THOC5: variants seen among roughly 807,000 people sequenced by gnomAD.
The protein encoded by THOC5 is Fms-interacting protein.
In THOC5, 43 loss-of-function variants were observed where a neutral mutation model predicts 92.9. The ratio of observed to expected loss-of-function variants is 0.46; its 90% CI spans 0.36 to 0.60. The LOEUF is 0.60. Among genes scored for constraint, THOC5 ranks in the 20% least tolerant of loss-of-function variants. The pLI is 0.00. For synonymous variants in THOC5, 296 were observed against 320.1 expected, an observed-to-expected ratio of 0.92 and a Z score of 0.80; for missense variants, 659 against 849.4, an observed-to-expected ratio of 0.78 and a Z score of 2.79.
intron 11 of THOC5, among the ~76,000 whole-genome samples, 190 bp from the exon 12 acceptor site, chr22:29,526,136 C>T (rs1434869323): frequency 3.3e-5 from 5 of 152,104 alleles, no homozygotes; most frequent in East Asian, 3.9e-4. Context: ...TGTAACAAAT[C>T]GGCACATGTA....
Position 29,544,510 on chromosome 22 carries a change from T to A in THOC5, c.190A>T (p.Arg64Trp). ...AGGTCTTGGATCTCAGCCATCAGCC[T>A]CTGTAGCTCCTGGCAGGTGTACTTG... Reference protein sequence around the residue: ...LYKYTCQELQRLMAEIQDLKS... With the variant: ...LYKYTCQELQWLMAEIQDLKS... The change falls in exon 3 of 20, where the codon AGG (arginine) becomes TGG (tryptophan). Residue 64 changes from arginine to tryptophan, a missense_variant. Arg to Trp is a moderately radical substitution (Grantham distance 101, BLOSUM62 -3). Coordinates refer to ENST00000490103, the MANE Select transcript of THOC5 (RefSeq NM_003678.5). 1 of 1,614,082 alleles carries A rather than the reference T, an allele frequency of 6.2e-7. No individual in the cohort carries two copies. The highest frequency in any genetic ancestry group is 8.5e-7 in the Non-Finnish European group (1 of 1,179,996).
Position 29,512,062 on chromosome 22 carries a change from A to C in THOC5, c.1756T>G (p.Trp586Gly). The C allele has an allele frequency of 6.2e-7, 1 of 1,614,008 alleles. No individual in the cohort carries two copies. Among genetic ancestry groups the C allele is most frequent in the South Asian group, 1.1e-5 (1 of 91,074 alleles). ...IPPVFQLCLN[W>G]KGEKTNSNDD... ...TTGCTGTTGGTTTTCTCCCCTTTCCAGTTCAAACAGAGCTGGAAAACAGGT... is the reference window on the plus strand; with the variant it reads ...TTGCTGTTGGTTTTCTCCCCTTTCCCGTTCAAACAGAGCTGGAAAACAGGT... Residue 586 changes from tryptophan to glycine, a missense_variant, in exon 18 of 20, where the codon TGG becomes GGG. Trp to Gly is a radical substitution (Grantham distance 184). Transcript: ENST00000490103.
chr22:29,548,587 A>G (rs2064076256), intron 2 of THOC5, among the ~76,000 whole-genome samples: 1 of 152,096 alleles, frequency 6.6e-6, no homozygotes, highest in Non-Finnish European at 1.5e-5. Context: ...CTAAGTCACA[A>G]ATGAAGTTGA....
chr22:29,524,695 T>A (rs973232647), intron 12 of THOC5, among the ~76,000 whole-genome samples: 1 of 152,020 alleles, frequency 6.6e-6, no homozygotes, highest in Admixed American at 6.6e-5. Flanking sequence ...CCCCTGGGGG[T>A]GTCCAACAAC....
chr22:29,522,704 A>T (rs1461744092), intron 12 of THOC5, among the ~76,000 whole-genome samples: 1 of 152,168 alleles, frequency 6.6e-6, no homozygotes, highest in African/African-American at 2.4e-5. Context: ...AAAGTAAGGG[A>T]TTAAAAAAAC....
chr22:29,508,436 A>C lies in THOC5; in HGVS notation c.*21T>G. The C allele has an allele frequency of 6.2e-7, 1 of 1,613,912 alleles. No homozygotes were observed. Among genetic ancestry groups the C allele is most frequent in the Non-Finnish European group, 8.5e-7 (1 of 1,179,770 alleles). ...GTGCTCAGGGTGAGGCCTTGGGGGA[A>C]ACAACGGTCTGCGCGGGAGATCAGC... is the stretch of plus-strand genomic sequence containing the variant. On this transcript the variant is annotated 3_prime_UTR_variant, in exon 20 of 20. Coordinates refer to ENST00000490103, the MANE Select transcript of THOC5 (RefSeq NM_003678.5).
chr22:29,539,077 T>C (rs1245200318), intron 6 of THOC5, among the ~76,000 whole-genome samples: 3 of 120,720 alleles, frequency 2.5e-5, no homozygotes, highest in African/African-American at 3.3e-5. Flanking sequence ...ACCACCGCAC[T>C]CCAGCCTGGG....
At chr22:29,539,003 G>A (rs533598274) in intron 6 of THOC5, among the ~76,000 whole-genome samples, 2 of 150,544 alleles carry the variant, frequency 1.3e-5, no homozygotes, top group Admixed American at 6.6e-5. Flanking sequence ...CCAGCTACTC[G>A]GGAGGCTGAG....
intron 19 of THOC5, 60 bp downstream of exon 19, chr22:29,511,046 G>A: frequency 1.3e-6 from 2 of 1,551,194 alleles, no homozygotes; most frequent in Non-Finnish European, 1.8e-6. Flanking sequence ...AGAAAATCTG[G>A]CTCTGATCTC....
At chr22:29,545,399 G>A (rs1478365306) in intron 2 of THOC5, among the ~76,000 whole-genome samples, 3 of 151,950 alleles carry the variant, frequency 2.0e-5, no homozygotes, top group African/African-American at 4.8e-5. Flanking sequence ...CCCAACAGTC[G>A]CCCAAAGTCT....
At chr22:29,539,715 G>A (rs9613942) in intron 5 of THOC5, among the ~76,000 whole-genome samples, 38,414 of 151,996 alleles carry the variant, frequency 0.25, 4,913 homozygotes, top group East Asian at 0.32. Flanking sequence ...TTAAAGACTC[G>A]GAAGGGATTC....
rs746460570 is a variant in THOC5, at chr22:29,544,457, T to C, written c.240+3A>G. The stretch of plus-strand genomic sequence containing the variant: ...TTCACGGCCACCTGGTCCCACTCCT[T>C]ACCACATCCTTGCCACCCCTGCTCT... On this transcript the variant is annotated splice_donor_region_variant and intron_variant, in intron 3 of 19. Transcript: ENST00000490103. 1.2e-6 allele frequency: 2 copies of C among 1,612,536 alleles called. No homozygotes were observed. The highest frequency in any genetic ancestry group is 2.7e-5 in the African/African-American group (2 of 74,862).
At chr22:29,517,171 C>T (rs766984196) in intron 16 of THOC5, 55 bp from the exon 17 acceptor site, 20 of 1,609,746 alleles carry the variant, frequency 1.2e-5, no homozygotes, top group Non-Finnish European at 1.5e-5. Context: ...GGTTAAACCC[C>T]CTGCTCTTCC....
chr22:29,524,269 A>C (rs1440370758), intron 12 of THOC5, among the ~76,000 whole-genome samples: 6 of 152,178 alleles, frequency 3.9e-5, no homozygotes, highest in Non-Finnish European at 8.8e-5. Context: ...CAGTTAACTC[A>C]CCTCATAGAG....
chr22:29,531,779 C>G, intron 8 of THOC5, 52 bp downstream of exon 8: 1 of 1,582,836 alleles, frequency 6.3e-7, no homozygotes. Context: ...ATTCACTCGG[C>G]CACAGCTGCT....
intron 1 of THOC5, among the ~76,000 whole-genome samples, chr22:29,551,487 C>A (rs2064142802): frequency 6.6e-6 from 1 of 152,064 alleles, no homozygotes; most frequent in Non-Finnish European, 1.5e-5. Context: ...CACCTGTAAT[C>A]CCAACACTTT....
intron 15 of THOC5, among the ~76,000 whole-genome samples, chr22:29,517,721 T>C (rs907822759): frequency 2.0e-5 from 3 of 152,240 alleles, no homozygotes; most frequent in Admixed American, 6.5e-5. Flanking sequence ...TGTGTTTTCA[T>C]AGCTGACCTT....
chr22:29,531,538 G>A (rs1035110425), intron 8 of THOC5: 2 of 1,140,348 alleles, frequency 1.8e-6, no homozygotes, highest in Non-Finnish European at 1.1e-6. Context: ...TTGATGGGGT[G>A]AGCACCTGGG....
rs141688044 is a variant in THOC5 at position 29,512,379 on chromosome 22, G to A, written c.1682-243C>T. ...CATATTTACTGTGCCACAAAGCTGC[G>A]GACTCCCCAGAGTCTGGTCCACCTT... On this transcript the variant is annotated intron_variant, in intron 17 of 19. Transcript: ENST00000490103. Among the ~76,000 whole-genome samples the A allele has an allele frequency of 2.9e-3, 438 of 152,196 alleles. 4 individuals carry two copies. Among genetic ancestry groups the A allele is most frequent in the African/African-American group, 9.3e-3 (386 of 41,508 alleles).
Sources: allele counts gnomAD v4.1 joint callset (sites outside exome capture counted in the v4.1 genomes callset), GRCh38; gene constraint gnomAD v4.1.1; transcripts MANE v1.5; gene names NCBI Gene and HGNC (gene_info 2026-07-23, HGNC 2026-07-21).